Variants in ACAD10 observed in about 807,000 individuals in gnomAD.
ACAD10 encodes ACAD-10.
ACAD10 carries 112 observed loss-of-function variants against 116.8 expected under a neutral mutation model. The observed-to-expected ratio is 0.96, with a 90% confidence interval of 0.82 to 1.12. The LOEUF (loss-of-function observed/expected upper bound fraction) is 1.12. ACAD10 is among the 50% of genes most tolerant of loss of function. The pLI is 0.00. For missense variants in ACAD10, 1,259 were observed against 1,350.2 expected, an observed-to-expected ratio of 0.93 and a Z score of 1.06; for synonymous variants, 486 against 510.6, an observed-to-expected ratio of 0.95 and a Z score of 0.65.
intron 16 of ACAD10, among the ~76,000 whole-genome samples, chr12:111,747,908 C>G (rs1889960141): frequency 6.6e-6 from 1 of 152,144 alleles, no homozygotes; most frequent in African/African-American, 2.4e-5. Flanking sequence ...AGGTCCCTTG[C>G]CTGGGGTATG....
At chr12:111,693,021 C>A in intron 2 of ACAD10, 125 bp downstream of exon 2, 1 of 1,105,532 alleles carries the variant, frequency 9.0e-7, no homozygotes, top group South Asian at 1.5e-5. Context: ...CTCTGGCTCT[C>A]GAGTCGAATT....
intron 1 of ACAD10, among the ~76,000 whole-genome samples, chr12:111,692,278 A>G (rs1017745251): frequency 2.6e-5 from 4 of 152,150 alleles, no homozygotes; most frequent in South Asian, 2.1e-4. Context: ...CAGATTTACA[A>G]TTTTTAAAGA....
chr12:111,729,430 G>A (rs1471234877), intron 9 of ACAD10, among the ~76,000 whole-genome samples: 3 of 152,180 alleles, frequency 2.0e-5, no homozygotes, highest in South Asian at 2.1e-4. Flanking sequence ...GTAGAGATGC[G>A]CTTTCGCCAT....
intron 14 of ACAD10, 23 bp downstream of exon 14, chr12:111,746,307 C>T: frequency 6.2e-7 from 1 of 1,606,294 alleles, no homozygotes; most frequent in Non-Finnish European, 8.5e-7. Context: ...AAGTTTTCCT[C>T]AGTGTGTGGG....
intron 10 of ACAD10, among the ~76,000 whole-genome samples, chr12:111,730,922 T>C (rs1889369149): frequency 6.6e-6 from 1 of 152,126 alleles, no homozygotes; most frequent in Non-Finnish European, 1.5e-5. Context: ...TGGCTAACTT[T>C]TGTATTTTTG....
chr12:111,729,782 A>C, intron 9 of ACAD10, 24 bp from the exon 10 acceptor site: 1 of 1,599,434 alleles, frequency 6.3e-7, no homozygotes, highest in Non-Finnish European at 8.5e-7. Flanking sequence ...ATTGCACACC[A>C]AGTTCTAATC....
At chr12:111,744,456 T>C (rs1298066498) in intron 12 of ACAD10, 187 bp from the exon 13 acceptor site, 1 of 689,092 alleles carries the variant, frequency 1.5e-6, no homozygotes, top group South Asian at 2.0e-5. Flanking sequence ...GCGTGCAAAG[T>C]GCAGGTGAAA....
chr12:111,751,157 C>G (rs896581231), intron 18 of ACAD10, among the ~76,000 whole-genome samples: 1 of 152,184 alleles, frequency 6.6e-6, no homozygotes, highest in African/African-American at 2.4e-5. Flanking sequence ...AGGTTCACCA[C>G]AGTGCTTATT....
At chr12:111,690,724 G>A (rs1888013968) in intron 1 of ACAD10, among the ~76,000 whole-genome samples, 1 of 149,146 alleles carries the variant, frequency 6.7e-6, no homozygotes, top group Admixed American at 6.7e-5. Context: ...GGCAGAGGTA[G>A]CAGTGAGCCA....
chr12:111,755,632 C>T (rs779537614), intron 19 of ACAD10, 36 bp from the exon 20 acceptor site: 4 of 1,565,296 alleles, frequency 2.6e-6, no homozygotes, highest in Middle Eastern at 1.9e-4. Context: ...AGGCTGCCCT[C>T]GGGTCTTTTA....
At chr12:111,686,423 T>TCAGATAGC (rs2135936973) in intron 1 of ACAD10, 184 bp downstream of exon 1, 1 of 152,738 alleles carries the variant, frequency 6.5e-6, no homozygotes, top group Admixed American at 6.5e-5. Context: ...CGATCGCTGT[T>TCAGATAGC]CAGATAGCGA....
At position 111,720,299 on chromosome 12, in the gene ACAD10, T is replaced by G. The variant is rs1888979899; in HGVS notation, c.993-1372T>G. On this transcript the variant is annotated intron_variant, in intron 7 of 20. Coordinates refer to ENST00000313698, the MANE Select transcript of ACAD10 (RefSeq NM_025247.6). ...TGAGTGAGTGGTATACAAATGTCCA[T>G]CAGATCAAGTTGGTAGTGGGTTCAG... Among the ~76,000 whole-genome samples, 3 of 152,232 alleles carry G rather than the reference T, an allele frequency of 2.0e-5. 1 individual carries two copies. The South Asian group carries it at 6.2e-4, about 32-fold the overall frequency.
At chr12:111,741,346 C>A (rs140523432) in intron 12 of ACAD10, among the ~76,000 whole-genome samples, 4 of 152,140 alleles carry the variant, frequency 2.6e-5, no homozygotes, top group Non-Finnish European at 5.9e-5. Flanking sequence ...CTGATATTTC[C>A]TAGCCGGCTG....
intron 7 of ACAD10, among the ~76,000 whole-genome samples, chr12:111,719,263 G>GT (rs2135963875): frequency 1.3e-5 from 2 of 151,696 alleles, no homozygotes; most frequent in East Asian, 2.0e-4. Context: ...CAATTTTTTG[G>GT]TTTTTTTTGA....
intron 18 of ACAD10, among the ~76,000 whole-genome samples, chr12:111,752,096 A>G (rs78998915): frequency 0.016 from 2,323 of 149,530 alleles, 74 homozygotes; most frequent in African/African-American, 0.054. Context: ...GTGGTGGCAC[A>G]CATTTATAGT....
chr12:111,756,345 G>A lies in ACAD10; in HGVS notation c.3052G>A (p.Ala1018Thr). ...IDRAIQAFGAAGLSSDYPLAQ... is the reference protein window; with the variant it reads ...IDRAIQAFGATGLSSDYPLAQ... ...CTGTGTCTGCCAGGCCTTTGGAGCA[G>A]CAGGCCTGAGCAGCGACTACCCACT... is the stretch of plus-strand genomic sequence containing the variant. The change falls in exon 21 of 21, where the codon GCA (alanine) becomes ACA (threonine). Residue 1018 changes from alanine (A) to threonine (T), a missense_variant. Coordinates refer to ENST00000313698, the MANE Select transcript of ACAD10 (RefSeq NM_025247.6). The A allele has an allele frequency of 6.2e-7, 1 of 1,603,734 alleles. No homozygotes were observed. Among genetic ancestry groups the A allele is most frequent in the South Asian group, 1.1e-5 (1 of 90,256 alleles).
At chr12:111,686,966 C>T (rs1278627976) in intron 1 of ACAD10, among the ~76,000 whole-genome samples, 1 of 152,140 alleles carries the variant, frequency 6.6e-6, no homozygotes, top group African/African-American at 2.4e-5. Context: ...GATATCATGT[C>T]CTCATGCAGT....
intron 12 of ACAD10, among the ~76,000 whole-genome samples, chr12:111,739,999 AAGAATCCT>A (rs556021983): frequency 2.4e-4 from 37 of 152,262 alleles, no homozygotes; most frequent in African/African-American, 6.7e-4. Context: ...AGAGTTTTGA[AAGAATCCT>A]AGATGAGATA....
Position 111,692,709 on chromosome 12 carries a change from C to T in ACAD10, c.-1C>T. ...TCTTCCCACACAGCCTCAGCCTCACCATGTGTGTCAGGAGCTGTTTCCAGT... is the reference window on the plus strand; with the variant it reads ...TCTTCCCACACAGCCTCAGCCTCACTATGTGTGTCAGGAGCTGTTTCCAGT... On this transcript the variant is annotated 5_prime_UTR_variant, in exon 2 of 21. Coordinates refer to ENST00000313698, the MANE Select transcript of ACAD10 (RefSeq NM_025247.6). 1 of 1,613,130 alleles carries T rather than the reference C, an allele frequency of 6.2e-7. No homozygotes were observed.
Sources: allele counts gnomAD v4.1 joint callset (sites outside exome capture counted in the v4.1 genomes callset), GRCh38; gene constraint gnomAD v4.1.1; transcripts MANE v1.5; gene names NCBI Gene and HGNC (gene_info 2026-07-23, HGNC 2026-07-21).